SLC25A21: variants seen among roughly 807,000 people sequenced by gnomAD.
SLC25A21 encodes the protein solute carrier family 25 member 21, also known as mitochondrial 2-oxodicarboxylate carrier.
SLC25A21 carries 47 observed loss-of-function variants against 43.8 expected under a neutral mutation model. That is an observed-to-expected ratio of 1.07 (90% CI 0.85 to 1.37). The LOEUF (loss-of-function observed/expected upper bound fraction) is 1.37. Among genes scored for constraint, SLC25A21 ranks in the 40% most tolerant of loss-of-function variants. The pLI is 0.00. For missense variants in SLC25A21, 352 were observed against 350.2 expected, an observed-to-expected ratio of 1.00 and a Z score of -0.04; for synonymous variants, 131 against 121.3, an observed-to-expected ratio of 1.08 and a Z score of -0.52.
chr14:36,980,940 A>G (rs1960005195), intron 1 of SLC25A21, among the ~76,000 whole-genome samples: 1 of 152,240 alleles, frequency 6.6e-6, no homozygotes, highest in African/African-American at 2.4e-5. Flanking sequence ...CAATCTACCC[A>G]TCGGACAAAG....
chr14:37,003,464 GA>G (rs1456553217), intron 1 of SLC25A21, among the ~76,000 whole-genome samples: 1 of 152,244 alleles, frequency 6.6e-6, no homozygotes, highest in African/African-American at 2.4e-5. Context: ...CTGCGGATAA[GA>G]GGGGGGGACT....
intron 1 of SLC25A21, among the ~76,000 whole-genome samples, chr14:36,939,308 TG>T (rs931165500): frequency 6.7e-6 from 1 of 150,368 alleles, no homozygotes; most frequent in African/African-American, 2.4e-5. Flanking sequence ...GAGCCAGGGG[TG>T]GGGGGGGAAT....
chr14:37,014,384 A>G (rs1182006127), intron 1 of SLC25A21, among the ~76,000 whole-genome samples: 5 of 152,188 alleles, frequency 3.3e-5, no homozygotes, highest in Non-Finnish European at 5.9e-5. Flanking sequence ...TGTTCACAGT[A>G]TCTTTTCCAG....
chr14:37,144,087 T>C (rs1485751344), intron 1 of SLC25A21, among the ~76,000 whole-genome samples: 3 of 151,950 alleles, frequency 2.0e-5, no homozygotes, highest in Non-Finnish European at 2.9e-5. Flanking sequence ...TAGAAAAAAA[T>C]ACAGAAACTA....
At chr14:36,764,850 T>G (rs566037885) in intron 3 of SLC25A21, among the ~76,000 whole-genome samples, 49 of 152,294 alleles carry the variant, frequency 3.2e-4, no homozygotes, top group African/African-American at 1.2e-3. Context: ...AAGAGACACC[T>G]CATATGGCTA....
chr14:36,775,751 G>A (rs1242543456), intron 3 of SLC25A21, among the ~76,000 whole-genome samples: 1 of 152,154 alleles, frequency 6.6e-6, no homozygotes, highest in Non-Finnish European at 1.5e-5. Context: ...TGACCTTTGT[G>A]CCAGTTGCCT....
At chr14:36,894,409 A>G (rs1486698638) in intron 1 of SLC25A21, among the ~76,000 whole-genome samples, 2 of 152,232 alleles carry the variant, frequency 1.3e-5, no homozygotes, top group African/African-American at 4.8e-5. Context: ...GATTTTGCTG[A>G]ATTTGCCTAT....
intron 2 of SLC25A21, among the ~76,000 whole-genome samples, chr14:36,842,621 CTT>C (rs1889419491): frequency 2.6e-5 from 4 of 152,156 alleles, no homozygotes; most frequent in Admixed American, 1.3e-4. Flanking sequence ...CAATTTCTAA[CTT>C]ATATTGGTGC....
At chr14:36,802,781 C>T (rs954374176) in intron 3 of SLC25A21, among the ~76,000 whole-genome samples, 1 of 152,150 alleles carries the variant, frequency 6.6e-6, no homozygotes, top group East Asian at 1.9e-4. Context: ...ACATTCTTGG[C>T]TAATGAATAT....
chr14:36,781,298 C>G (rs1338579222), intron 3 of SLC25A21, among the ~76,000 whole-genome samples: 1 of 152,054 alleles, frequency 6.6e-6, no homozygotes, highest in South Asian at 2.1e-4. Context: ...ACTTTACATT[C>G]TTTTACTGGA....
chr14:37,146,447 A>G (rs1339030864), intron 1 of SLC25A21, among the ~76,000 whole-genome samples: 1 of 152,074 alleles, frequency 6.6e-6, no homozygotes, highest in East Asian at 1.9e-4. Flanking sequence ...GACTTTCACC[A>G]TGTTACCCAG....
intron 4 of SLC25A21, among the ~76,000 whole-genome samples, chr14:36,733,783 G>C (rs1162934079): frequency 6.6e-6 from 1 of 152,188 alleles, no homozygotes; most frequent in African/African-American, 2.4e-5. Context: ...AGCAATGCCT[G>C]TCAGAGTCGC....
At chr14:36,832,643 TATA>T (rs1180814912) in intron 2 of SLC25A21, among the ~76,000 whole-genome samples, 35 of 152,338 alleles carry the variant, frequency 2.3e-4, no homozygotes, top group Non-Finnish European at 4.1e-4. Flanking sequence ...CAAACAACAT[TATA>T]AACAAATGCC....
intron 1 of SLC25A21, among the ~76,000 whole-genome samples, chr14:36,955,301 A>G (rs1030231717): frequency 1.3e-5 from 2 of 152,202 alleles, no homozygotes; most frequent in African/African-American, 4.8e-5. Context: ...GACATTATGA[A>G]AGAAAGAATT....
chr14:37,113,853 CAA>C (rs34321762), intron 1 of SLC25A21, among the ~76,000 whole-genome samples: 7 of 119,374 alleles, frequency 5.9e-5, no homozygotes, highest in Admixed American at 9.2e-5. Flanking sequence ...GACTCTGTCT[CAA>C]AAAAAAAAAA....
Position 36,901,992 on chromosome 14 carries a change from T to C in SLC25A21, c.71-26988A>G, listed in dbSNP as rs138186360. Among the ~76,000 whole-genome samples, 11 of 152,318 alleles carry C rather than the reference T, an allele frequency of 7.2e-5. No homozygotes were observed. The East Asian group carries it at 2.1e-3, about 29-fold the overall frequency. ...TTTAACAAGAGGTTTACATGACTCA[T>C]TAAAAGTTATGCATTCTTTTAAGGG... On this transcript the variant is annotated intron_variant, in intron 1 of 9. Transcript: ENST00000331299.
chr14:36,943,048 C>T (rs1365839673), intron 1 of SLC25A21, among the ~76,000 whole-genome samples: 1 of 152,114 alleles, frequency 6.6e-6, no homozygotes, highest in African/African-American at 2.4e-5. Flanking sequence ...TGAGCAAAGG[C>T]GGAATTACTA....
chr14:36,697,738 C>CTTTTTTTTTTTTTTTTTTTTTTT (rs757711209), intron 7 of SLC25A21, among the ~76,000 whole-genome samples: 2 of 111,662 alleles, frequency 1.8e-5, no homozygotes, highest in Non-Finnish European at 3.6e-5. Context: ...GCAAGCCCTA[C>CTTTTTTTTTTTTTTTTTTTTTTT]TTTTTTTTTT....
rs116779001 is a variant in SLC25A21, at chr14:36,796,693, G to C, written c.203+17225C>G. ...CAAGATTCTGACATTTCCAGACCCT[G>C]TTTGGTCTATTCACATGTATGACAC... On this transcript the variant is annotated intron_variant, in intron 3 of 9. Transcript: ENST00000331299. Among the ~76,000 whole-genome samples, 1,198 of 152,164 alleles carry C rather than the reference G, an allele frequency of 7.9e-3. 19 individuals are homozygous for C. Among genetic ancestry groups the C allele is most frequent in the African/African-American group, 0.027 (1,118 of 41,540 alleles).
Sources: allele counts gnomAD v4.1 joint callset (sites outside exome capture counted in the v4.1 genomes callset), GRCh38; gene constraint gnomAD v4.1.1; transcripts MANE v1.5; gene names NCBI Gene and HGNC (gene_info 2026-07-23, HGNC 2026-07-21).